DHRS7C: variants seen among roughly 807,000 people sequenced by gnomAD.
DHRS7C encodes the protein dehydrogenase/reductase SDR family member 7C.
In DHRS7C, 28 loss-of-function variants were observed where a neutral mutation model predicts 29.6. The ratio of observed to expected loss-of-function variants is 0.95; its 90% confidence interval spans 0.70 to 1.30. The LOEUF (loss-of-function observed/expected upper bound fraction) is 1.30, where lower values mean the gene tolerates loss of function less well. DHRS7C is among the 50% of genes most tolerant of loss of function. The pLI, the probability that DHRS7C is intolerant of heterozygous loss-of-function variation, is 0.00. For missense variants in DHRS7C, 403 were observed against 393.3 expected, an observed-to-expected ratio of 1.02 and a Z score of -0.21; for synonymous variants, 158 against 160.2, an observed-to-expected ratio of 0.99 and a Z score of 0.10.
intron 1 of DHRS7C, among the ~76,000 whole-genome samples, chr17:9,789,720 G>T (rs989190176): frequency 1.3e-5 from 2 of 152,186 alleles, no homozygotes; most frequent in Non-Finnish European, 2.9e-5. Context: ...CCAGACAAAG[G>T]TGCGCTATTT....
At chr17:9,779,420 T>C (rs1441912842) in intron 3 of DHRS7C, among the ~76,000 whole-genome samples, 1 of 152,186 alleles carries the variant, frequency 6.6e-6, no homozygotes, top group African/African-American at 2.4e-5. Flanking sequence ...ATCTTTACCT[T>C]TGACCAACTG....
chr17:9,771,666 T>A lies in DHRS7C; in HGVS notation c.758A>T (p.His253Leu), dbSNP rs1314914448. Residue 253 changes from histidine (H) to leucine (L), a missense_variant, in exon 6 of 6, where the codon CAC (histidine) becomes CTC (leucine). By Grantham distance (99) the His-to-Leu change is moderately conservative. Transcript: ENST00000571134. ...CACCTCCTCCGCCACCTCTACTGGG[T>A]GCACGCCGTAGGTCAGCTTCCTGAA... ...FFFRKLTYGV[H>L]PVEVAEEVMR... is the part of the protein sequence containing the mutation. 6.4e-7 allele frequency: 1 copy of A among 1,554,256 alleles called. No homozygotes were observed. Among genetic ancestry groups the A allele is most frequent in the Non-Finnish European group, 8.7e-7 (1 of 1,147,220 alleles).
At chr17:9,781,851 G>A (rs1381951601) in intron 1 of DHRS7C, among the ~76,000 whole-genome samples, 5 of 152,118 alleles carry the variant, frequency 3.3e-5, no homozygotes, top group African/African-American at 7.2e-5. Context: ...TCTGATTATT[G>A]GAAATTCTTC....
rs999964805 is a variant in DHRS7C at position 9,784,429 on chromosome 17, G to A, written c.155-2835C>T. On this transcript the variant is annotated intron_variant, in intron 1 of 5. Coordinates refer to ENST00000571134, the MANE Select transcript of DHRS7C (RefSeq NM_001105571.3). ...GGAGCTTGCAGTGAGCTGAGATTGCGCCACTGCACTCCAGCCTGGGGAACA... is the reference window on the plus strand; with the variant it reads ...GGAGCTTGCAGTGAGCTGAGATTGCACCACTGCACTCCAGCCTGGGGAACA... Among the ~76,000 whole-genome samples, 6 of 152,172 alleles carry A rather than the reference G, an allele frequency of 3.9e-5. No homozygotes were observed. In the East Asian group the frequency reaches 5.8e-4, roughly 15 times the overall value.
chr17:9,778,628 G>C (rs2066376236), intron 3 of DHRS7C, among the ~76,000 whole-genome samples: 1 of 152,142 alleles, frequency 6.6e-6, no homozygotes, highest in Admixed American at 6.5e-5. Context: ...GTGTCCACAG[G>C]GACTGGACTG....
rs373679008 is a variant in DHRS7C, at chr17:9,771,698, T to C, written c.728-2A>G. The C allele has an allele frequency of 1.2e-4, 174 of 1,476,424 alleles. No individual in the cohort carries two copies. The highest frequency in any genetic ancestry group is 1.4e-4 in the Non-Finnish European group (159 of 1,106,276). 91.5% of individuals were successfully genotyped at this position (1,476,424 alleles called of 1,614,324 possible). Reference sequence around the variant, plus strand: ...CGTAGGTCAGCTTCCTGAAAAAGACTGAAAGGCCCCAGTTGGGGGCGGGGG... The same window carrying C: ...CGTAGGTCAGCTTCCTGAAAAAGACCGAAAGGCCCCAGTTGGGGGCGGGGG... On this transcript the variant is annotated splice_acceptor_variant, in intron 5 of 5. Coordinates refer to ENST00000571134, the MANE Select transcript of DHRS7C (RefSeq NM_001105571.3). LOFTEE classifies it high-confidence loss of function.
rs1025178047 is a variant in DHRS7C at position 9,791,396 on chromosome 17, A to G, written c.-112T>C. On this transcript the variant is annotated 5_prime_UTR_variant, in exon 1 of 6. Coordinates refer to ENST00000571134, the MANE Select transcript of DHRS7C (RefSeq NM_001105571.3). ...GCTGCAGGGAGCTCAGCTCTGTGCAAGCCTCCAAGCTGAACACCCAGTGGG... is the reference window on the plus strand; with the variant it reads ...GCTGCAGGGAGCTCAGCTCTGTGCAGGCCTCCAAGCTGAACACCCAGTGGG... The G allele has an allele frequency of 8.2e-7, 1 of 1,222,856 alleles. No homozygotes were observed. Among genetic ancestry groups the G allele is most frequent in the African/African-American group, 1.5e-5 (1 of 65,662 alleles). The allele number at this position is 1,222,856 out of a possible 1,614,324, so 75.8% of individuals were successfully genotyped here.
At chr17:9,783,471 T>C (rs2066404999) in intron 1 of DHRS7C, among the ~76,000 whole-genome samples, 1 of 152,212 alleles carries the variant, frequency 6.6e-6, no homozygotes, top group South Asian at 2.1e-4. Context: ...TTGCACACTT[T>C]AATTGGAATA....
At chr17:9,785,708 C>T (rs557436287) in intron 1 of DHRS7C, among the ~76,000 whole-genome samples, 1 of 152,184 alleles carries the variant, frequency 6.6e-6, no homozygotes, top group Admixed American at 6.5e-5. Flanking sequence ...AAAGTGCCCA[C>T]GAGAGAAAGA....
intron 4 of DHRS7C, 49 bp downstream of exon 4, chr17:9,777,144 C>T (rs372237931): frequency 6.7e-7 from 1 of 1,501,402 alleles, no homozygotes; most frequent in Non-Finnish European, 9.2e-7. Context: ...TTGCCTTATA[C>T]CATAAGACAT....
At chr17:9,784,145 A>G (rs1404963580) in intron 1 of DHRS7C, among the ~76,000 whole-genome samples, 4 of 151,998 alleles carry the variant, frequency 2.6e-5, no homozygotes, top group African/African-American at 9.6e-5. Flanking sequence ...AAAAAATCCT[A>G]ATAGAAATGA....
chr17:9,771,491 C>A lies in DHRS7C; in HGVS notation c.933G>T (p.Gly311=), dbSNP rs570043926. Reference sequence around the variant, plus strand: ...TGGCCCATTTGGCCTCCTGCAGTTACCCCTCCTCCGGGACATTGAGCTTCT... The same window carrying A: ...TGGCCCATTTGGCCTCCTGCAGTTAACCCTCCTCCGGGACATTGAGCTTCT... The part of the protein sequence containing the change: ...VKEKLNVPEE[G] The change falls in exon 6 of 6, where the codon GGG becomes GGT. Residue 311 remains glycine, a synonymous_variant. Coordinates refer to ENST00000571134, the MANE Select transcript of DHRS7C (RefSeq NM_001105571.3). 3.4e-5 allele frequency: 52 copies of A among 1,520,616 alleles called. No homozygotes were observed. The East Asian group carries it at 1.2e-3, about 34-fold the overall frequency. The allele number at this position is 1,520,616 out of a possible 1,614,324, so 94.2% of individuals were successfully genotyped here.
chr17:9,791,039 T>A (rs1193382705), intron 1 of DHRS7C, 92 bp downstream of exon 1: 1 of 1,458,556 alleles, frequency 6.9e-7, no homozygotes, highest in African/African-American at 1.4e-5. Context: ...CGAGCAGGTT[T>A]GCCCACACAG....
In DHRS7C at chr17:9,779,889, A is replaced by C. The variant is rs752190153; in HGVS notation, c.414T>G (p.Ile138Met). Residue 138 changes from isoleucine (I) to methionine (M), a missense_variant, in exon 3 of 6, where the codon ATT becomes ATG. Transcript: ENST00000571134. ...TGATCTTTTTGTCGAGCTCCAGAGA[A>C]ATCTTATGGGCAGGCCCCTTCACCT... ...SVKVKGPAHKISLELDKKIMD... is the reference protein window; with the variant it reads ...SVKVKGPAHKMSLELDKKIMD... The C allele has an allele frequency of 5.6e-6, 9 of 1,613,906 alleles. No homozygotes were observed. Among genetic ancestry groups the C allele is most frequent in the Non-Finnish European group, 7.6e-6 (9 of 1,179,874 alleles).
chr17:9,786,654 C>T (rs545968775), intron 1 of DHRS7C, among the ~76,000 whole-genome samples: 29 of 152,150 alleles, frequency 1.9e-4, no homozygotes, highest in African/African-American at 6.3e-4. Flanking sequence ...CAGAAACTTC[C>T]GTGGGCAGCA....
chr17:9,779,751 G>T, intron 3 of DHRS7C, 74 bp downstream of exon 3: 1 of 1,448,914 alleles, frequency 6.9e-7, no homozygotes, highest in Non-Finnish European at 9.4e-7. Flanking sequence ...TAGGATGACT[G>T]TCTGGCTAAT....
chr17:9,784,717 G>C (rs2066412979), intron 1 of DHRS7C, among the ~76,000 whole-genome samples: 1 of 152,316 alleles, frequency 6.6e-6, no homozygotes, highest in South Asian at 2.1e-4. Flanking sequence ...GATACAGAAG[G>C]TGAGTCAATA....
intron 4 of DHRS7C, 41 bp downstream of exon 4, chr17:9,777,152 C>T (rs768519338): frequency 6.5e-7 from 1 of 1,549,320 alleles, no homozygotes; most frequent in East Asian, 2.3e-5. Context: ...TACCATAAGA[C>T]ATACAACAGA....
intron 5 of DHRS7C, 86 bp from the exon 6 acceptor site, chr17:9,771,782 GGCGGGAA>G (rs960800986): frequency 8.0e-7 from 1 of 1,253,214 alleles, no homozygotes; most frequent in African/African-American, 1.5e-5. Context: ...AAGGCTGAGG[GGCGGGAA>G]GCGTGGGCTG....
Sources: allele counts gnomAD v4.1 joint callset (sites outside exome capture counted in the v4.1 genomes callset), GRCh38; gene constraint gnomAD v4.1.1; transcripts MANE v1.5; gene names NCBI Gene and HGNC (gene_info 2026-07-23, HGNC 2026-07-21).